The following TTLL4 variants were observed in gnomAD, a reference collection of about 807,000 sequenced individuals.
The protein encoded by TTLL4 is tubulin monoglutamylase TTLL4.
TTLL4 carries 85 observed loss-of-function variants against 122.7 expected under a neutral mutation model. The ratio of observed to expected loss-of-function variants is 0.69; its 90% CI spans 0.58 to 0.83. The LOEUF (loss-of-function observed/expected upper bound fraction) is 0.83, where lower values mean the gene tolerates loss of function less well. TTLL4 is among the 40% of genes least tolerant of loss of function. The pLI is 0.00. For missense variants in TTLL4, 1,363 were observed against 1,488.6 expected, an observed-to-expected ratio of 0.92 and a Z score of 1.39; for synonymous variants, 553 against 563.0, an observed-to-expected ratio of 0.98 and a Z score of 0.25.
At chr2:218,746,102 C>G in intron 7 of TTLL4, 53 bp from the exon 8 acceptor site, 1 of 1,607,574 alleles carries the variant, frequency 6.2e-7, no homozygotes, top group Non-Finnish European at 8.5e-7. Flanking sequence ...GGGCCTCTCT[C>G]TGTCCCTGGA....
At chr2:218,749,945 C>T in intron 14 of TTLL4, 64 bp from the exon 15 acceptor site, 1 of 1,581,404 alleles carries the variant, frequency 6.3e-7, no homozygotes. Context: ...CCCTGAGTTG[C>T]ACATATGACC....
intron 5 of TTLL4, 126 bp from the exon 6 acceptor site, chr2:218,744,983 G>A: frequency 3.9e-6 from 5 of 1,277,678 alleles, no homozygotes; most frequent in Non-Finnish European, 5.4e-6. Flanking sequence ...TAATTATTGA[G>A]CACCTGGCTT....
At chr2:218,753,273 A>G in intron 18 of TTLL4, 88 bp downstream of exon 18, 2 of 1,396,878 alleles carry the variant, frequency 1.4e-6, no homozygotes, top group Non-Finnish European at 2.0e-6. Flanking sequence ...GTTGGTATGT[A>G]TAGGCCTCTC....
chr2:218,726,687 G>A (rs537930682), intron 1 of TTLL4, among the ~76,000 whole-genome samples: 4 of 152,118 alleles, frequency 2.6e-5, no homozygotes, highest in East Asian at 1.9e-4. Context: ...GGCTGGTCTC[G>A]AACTCCTGGC....
chr2:218,747,467 A>G lies in TTLL4; in HGVS notation c.2249+95A>G, dbSNP rs932580101. ...TGTTCTGCCCTTTGTTCTCCCAGCC[A>G]AAGAGCTTCCTTAGCCAACTGTTCT... On this transcript the variant is annotated intron_variant, in intron 10 of 19. Transcript: ENST00000392102. The surrounding 1 kb of genome is among the most constrained non-coding windows in gnomAD (Gnocchi z 4.7). 4.4e-5 allele frequency: 69 copies of G among 1,571,012 alleles called. No homozygotes were observed. Among genetic ancestry groups the G allele is most frequent in the Non-Finnish European group, 5.8e-5 (67 of 1,155,490 alleles).
At position 218,753,234 on chromosome 2, in the gene TTLL4, C is replaced by T. The variant is rs771820189; in HGVS notation, c.3258+49C>T. 5.0e-6 allele frequency: 8 copies of T among 1,603,848 alleles called. No individual in the cohort carries two copies. In the Admixed American group the frequency reaches 1.0e-4, roughly 20 times the overall value. On this transcript the variant is annotated intron_variant, in intron 18 of 19. Transcript: ENST00000392102. ...CAGCTCCTTCTCAGGCCCCTCCCTC[C>T]TCTGCCTTATGAGTGCAGCAGGAGT...
rs780298007 is a variant in TTLL4 at position 218,738,398 on chromosome 2, C to T, written c.722C>T (p.Pro241Leu). The T allele has an allele frequency of 6.2e-7, 1 of 1,614,182 alleles. No homozygotes were observed. Among genetic ancestry groups the T allele is most frequent in the South Asian group, 1.1e-5 (1 of 91,088 alleles). The change falls in exon 3 of 20, where the codon CCA (proline) becomes CTA (leucine). Residue 241 changes from proline (P) to leucine (L), a missense_variant. Pro to Leu is a moderately conservative substitution (Grantham distance 98). This residue lies in a region of TTLL4 where 760 missense variants were observed against 808.4 expected (regional missense o/e 0.94). Transcript: ENST00000392102. ...PLLQTTQGLK[P>L]VSPPKIQPVS... The stretch of plus-strand genomic sequence containing the variant: ...TTGCAGACCACACAGGGCCTGAAGC[C>T]AGTATCGCCACCCAAGATCCAGCCT...
At chr2:218,731,067 A>G (rs1942367251) in intron 2 of TTLL4, among the ~76,000 whole-genome samples, 3 of 151,846 alleles carry the variant, frequency 2.0e-5, no homozygotes, top group African/African-American at 7.3e-5. Context: ...AGTTATGACT[A>G]CACCGCTGCA....
chr2:218,718,533 C>T (rs6722138), intron 1 of TTLL4, among the ~76,000 whole-genome samples: 3,065 of 152,196 alleles, frequency 0.02, 113 homozygotes, highest in African/African-American at 0.069. Flanking sequence ...CATGCACCAC[C>T]ATGCCTGGCT....
intron 1 of TTLL4, among the ~76,000 whole-genome samples, chr2:218,724,167 G>T (rs6746040): frequency 0.53 from 80,988 of 151,868 alleles, 23,148 homozygotes; most frequent in African/African-American, 0.73. Flanking sequence ...TGAATCTGGG[G>T]AAAGAGTAAA....
chr2:218,751,567 CT>C, intron 15 of TTLL4, 136 bp from the exon 16 acceptor site: 1 of 1,349,316 alleles, frequency 7.4e-7, no homozygotes, highest in Non-Finnish European at 9.6e-7. Context: ...GTCCAACCTA[CT>C]ACTCAAGTAA....
chr2:218,727,125 T>G (rs931642131), intron 1 of TTLL4, 144 bp from the exon 2 acceptor site: 5 of 152,252 alleles, frequency 3.3e-5, no homozygotes, highest in African/African-American at 1.2e-4. Flanking sequence ...TTTCTTTTAG[T>G]AAGCCACCCC....
chr2:218,738,452 G>C lies in TTLL4; in HGVS notation c.776G>C (p.Gly259Ala). The C allele has an allele frequency of 1.9e-6, 3 of 1,614,230 alleles. No homozygotes were observed. The highest frequency in any genetic ancestry group is 2.5e-6 in the Non-Finnish European group (3 of 1,180,050). ...PVSWHHSGGT[G>A]DCAPQPVDHK... ...TCCTGGCATCATTCAGGGGGTACTG[G>C]AGACTGTGCACCGCAGCCTGTTGAC... Residue 259 changes from glycine (G) to alanine (A), a missense_variant, in exon 3 of 20, where the codon GGA becomes GCA. Transcript: ENST00000392102.
chr2:218,739,067 A>C lies in TTLL4; in HGVS notation c.1391A>C (p.Asn464Thr). 6.2e-7 allele frequency: 1 copy of C among 1,613,702 alleles called. No homozygotes were observed. Residue 464 changes from asparagine to threonine, a missense_variant, in exon 3 of 20, where the codon AAC (asparagine) becomes ACC (threonine). Asn to Thr is a moderately conservative substitution (Grantham distance 65). This residue lies in a region of TTLL4 where 760 missense variants were observed against 808.4 expected (regional missense o/e 0.94). Coordinates refer to ENST00000392102, the MANE Select transcript of TTLL4 (RefSeq NM_014640.5). ...PPFPQTLGIANVATRLSSIQL... is the reference protein window; with the variant it reads ...PPFPQTLGIATVATRLSSIQL... Reference sequence around the variant, plus strand: ...TTTCCTCAAACTCTTGGCATAGCCAACGTGGCCACCCGCCTCTCTTCCATC... The same window carrying C: ...TTTCCTCAAACTCTTGGCATAGCCACCGTGGCCACCCGCCTCTCTTCCATC...
intron 2 of TTLL4, among the ~76,000 whole-genome samples, chr2:218,733,838 G>A (rs1942444585): frequency 6.6e-6 from 1 of 152,216 alleles, no homozygotes; most frequent in South Asian, 2.1e-4. Context: ...CATGTGGTGG[G>A]ATGTAGCAAG....
At chr2:218,748,080 C>T in intron 11 of TTLL4, 25 bp from the exon 12 acceptor site, 1 of 1,614,042 alleles carries the variant, frequency 6.2e-7, no homozygotes, top group Non-Finnish European at 8.5e-7. Context: ...CATCTTACCT[C>T]TGCCTTTTGT....
chr2:218,740,015 T>G, intron 3 of TTLL4, 43 bp from the exon 4 acceptor site: 1 of 1,571,034 alleles, frequency 6.4e-7, no homozygotes, highest in Non-Finnish European at 8.7e-7. Context: ...TGTGACCTCT[T>G]TGATGGAGTT....
chr2:218,736,775 GA>G (rs1453682660), intron 2 of TTLL4, among the ~76,000 whole-genome samples: 6 of 151,880 alleles, frequency 4.0e-5, no homozygotes, highest in African/African-American at 1.5e-4. Flanking sequence ...ATTTAACCAT[GA>G]AAAGCAGACT....
chr2:218,753,517 A>G, intron 18 of TTLL4, 67 bp from the exon 19 acceptor site: 6 of 1,499,388 alleles, frequency 4.0e-6, no homozygotes, highest in Non-Finnish European at 5.6e-6. Context: ...GGAGGGTACC[A>G]AGACCCCAAA....
Sources: allele counts gnomAD v4.1 joint callset (sites outside exome capture counted in the v4.1 genomes callset), GRCh38; gene constraint gnomAD v4.1.1; regional missense constraint gnomAD v4.1.1; non-coding constraint Gnocchi (gnomAD v3.1); transcripts MANE v1.5; gene names NCBI Gene and HGNC (gene_info 2026-07-23, HGNC 2026-07-21).